The following SERPINA9 variants were observed in gnomAD, a reference collection of about 807,000 sequenced individuals.
SERPINA9 encodes serpin A9.
Under a neutral mutation model 24.5 loss-of-function variants are expected in SERPINA9, and 32 were observed. The observed-to-expected ratio is 1.30, with a 90% CI of 0.98 to 1.75. The LOEUF is 1.75. Among genes scored for constraint, SERPINA9 ranks in the 40% most tolerant of loss-of-function variants. The probability of loss-of-function intolerance (pLI) is 0.00; values close to 1 mark genes in which losing one functional copy is unlikely to be tolerated. For synonymous variants in SERPINA9, 233 were observed against 197.7 expected (o/e 1.18, Z -1.50); for missense variants, 594 against 497.1 (o/e 1.19, Z -1.85).
intron 4 of SERPINA9, 73 bp from the exon 5 acceptor site, chr14:94,463,369 T>C (rs1898836278): frequency 2.9e-6 from 4 of 1,397,552 alleles, no homozygotes; most frequent in South Asian, 2.4e-5. Context: ...CTAAACTGAG[T>C]GCTTTTGCCC....
In SERPINA9 at chr14:94,469,508, G is replaced by C; in HGVS notation, c.333C>G (p.His111Gln). 1 of 1,614,200 alleles carries C rather than the reference G, an allele frequency of 6.2e-7. No individual in the cohort carries two copies. The highest frequency in any genetic ancestry group is 8.5e-7 in the Non-Finnish European group (1 of 1,180,038). Residue 111 changes from histidine (H) to glutamine (Q), a missense_variant, in exon 2 of 5, where the codon CAC becomes CAG. His to Gln is a conservative substitution (Grantham distance 24). Coordinates refer to ENST00000674397, the MANE Select transcript of SERPINA9 (RefSeq NM_175739.4). Reference sequence around the variant, plus strand: ...AGTGAACCAGGTGCTGGAAGCCCTGGTGGATGGCAGACTCTGGTGTGTGTG... The same window carrying C: ...AGTGAACCAGGTGCTGGAAGCCCTGCTGGATGGCAGACTCTGGTGTGTGTG... The part of the protein sequence containing the change: ...NLTHTPESAI[H>Q]QGFQHLVHSL...
In SERPINA9 at chr14:94,469,700, G is replaced by C; in HGVS notation, c.141C>G (p.Leu47=). The change falls in exon 2 of 5, where the codon CTC becomes CTG. Residue 47 remains leucine, a synonymous_variant. Transcript: ENST00000674397. ...KSTPASQVYS[L]NTDFAFRLYR... The stretch of plus-strand genomic sequence containing the variant: ...ATAGGCGGAAGGCAAAGTCGGTGTT[G>C]AGGGAATACACCTGTGAGGCAGGGG... 6.2e-7 allele frequency: 1 copy of C among 1,611,148 alleles called. No individual in the cohort carries two copies. Among genetic ancestry groups the C allele is most frequent in the Admixed American group, 1.7e-5 (1 of 59,912 alleles).
rs1464094116 is a variant in SERPINA9, at chr14:94,464,935, ACTCCGTT to A, written c.903-88_903-82del. 154 of 1,214,454 alleles carry A rather than the reference ACTCCGTT, an allele frequency of 1.3e-4. 2 individuals carry two copies. The East Asian group carries it at 3.9e-3, about 30-fold the overall frequency. The allele number at this position is 1,214,454 out of a possible 1,614,324, so 75.2% of individuals were successfully genotyped here. A position where few individuals can be genotyped will look rare whatever the true frequency, so the allele number is the denominator to read the frequency against. ...CTGCTCCTAGATGCCATTTTGGGAG[ACTCCGTT>A]CTTCCTCCAACCACTGCTAATTTCT... On this transcript the variant is annotated intron_variant, in intron 3 of 4. Transcript: ENST00000674397.
In SERPINA9 at chr14:94,469,551, C is replaced by T. The variant is rs374230953; in HGVS notation, c.290G>A (p.Gly97Asp). The stretch of plus-strand genomic sequence containing the variant: ...TGTGTGTGTGAGGTTGAAGCCCAGG[C>T]CCTGGAGAATCTGGGTCTTGGTGAC... ...HSVTKTQILQ[G>D]LGFNLTHTPE... The change falls in exon 2 of 5, where the codon GGC becomes GAC. Residue 97 changes from glycine (G) to aspartate (D), a missense_variant. By Grantham distance (94) the Gly-to-Asp change is moderately conservative. Coordinates refer to ENST00000674397, the MANE Select transcript of SERPINA9 (RefSeq NM_175739.4). The T allele has an allele frequency of 1.8e-5, 29 of 1,613,988 alleles. No homozygotes were observed. Among genetic ancestry groups the T allele is most frequent in the Non-Finnish European group, 2.2e-5 (26 of 1,180,032 alleles).
At chr14:94,471,903 T>G (rs1390540171) in intron 1 of SERPINA9, among the ~76,000 whole-genome samples, 1 of 152,096 alleles carries the variant, frequency 6.6e-6, no homozygotes, top group African/African-American at 2.4e-5. Flanking sequence ...TTTCCCTTGG[T>G]CCAAACCCTC....
chr14:94,473,251 C>T (rs1006992869), intron 1 of SERPINA9, among the ~76,000 whole-genome samples: 3 of 152,264 alleles, frequency 2.0e-5, no homozygotes, highest in South Asian at 2.1e-4. Context: ...GGTGGCTGGG[C>T]GCGGTGGCTC....
chr14:94,470,109 G>C (rs941211702), intron 1 of SERPINA9: 1 of 984,672 alleles, frequency 1.0e-6, no homozygotes, highest in East Asian at 3.7e-5. Flanking sequence ...TGGTTGACTT[G>C]TCTGTGTTCT....
chr14:94,473,059 A>C (rs1899400393), intron 1 of SERPINA9, among the ~76,000 whole-genome samples: 1 of 152,218 alleles, frequency 6.6e-6, no homozygotes, highest in East Asian at 1.9e-4. Context: ...CCTCAGCAGC[A>C]GAGAATTCTC....
Position 94,469,877 on chromosome 14 carries a change from C to A in SERPINA9, c.-17-20G>T. The stretch of plus-strand genomic sequence containing the variant: ...ATATGTCTGCAAGAGAAGTAAGAAC[C>A]ATTGAGGGGGTAAACTGAGGGTCCA... On this transcript the variant is annotated intron_variant, in intron 1 of 4. Transcript: ENST00000674397. 4 of 1,501,918 alleles carry A rather than the reference C, an allele frequency of 2.7e-6. No homozygotes were observed. The highest frequency in any genetic ancestry group is 3.6e-6 in the Non-Finnish European group (4 of 1,125,884). The allele number at this position is 1,501,918 out of a possible 1,614,324, so 93.0% of individuals were successfully genotyped here.
intron 3 of SERPINA9, among the ~76,000 whole-genome samples, chr14:94,465,115 G>A (rs1898942224): frequency 6.6e-6 from 1 of 152,194 alleles, no homozygotes; most frequent in Admixed American, 6.5e-5. Context: ...CAGTCAGCAA[G>A]GGAGTCTATG....
chr14:94,472,581 A>C (rs1009129243), intron 1 of SERPINA9, among the ~76,000 whole-genome samples: 1 of 152,182 alleles, frequency 6.6e-6, no homozygotes, highest in African/African-American at 2.4e-5. Context: ...CTTATTATGC[A>C]GGTACTATAG....
intron 1 of SERPINA9, among the ~76,000 whole-genome samples, chr14:94,470,411 T>A (rs1956712): frequency 6.6e-6 from 1 of 152,198 alleles, no homozygotes; most frequent in Non-Finnish European, 1.5e-5. Context: ...GCTGTGCTCC[T>A]TCAGGTGCCC....
intron 4 of SERPINA9, among the ~76,000 whole-genome samples, chr14:94,463,772 G>T (rs972814955): frequency 6.6e-6 from 1 of 152,184 alleles, no homozygotes; most frequent in African/African-American, 2.4e-5. Flanking sequence ...CTAGGGAAGA[G>T]ATTCTTAACC....
chr14:94,466,589 C>T (rs1899015451), intron 3 of SERPINA9, among the ~76,000 whole-genome samples: 1 of 152,160 alleles, frequency 6.6e-6, no homozygotes, highest in Non-Finnish European at 1.5e-5. Context: ...TTTGTACTCA[C>T]CATACTAATT....
intron 1 of SERPINA9, among the ~76,000 whole-genome samples, chr14:94,473,824 C>T (rs1296453155): frequency 6.6e-6 from 1 of 152,206 alleles, no homozygotes; most frequent in Non-Finnish European, 1.5e-5. Context: ...CCCCTCCTAA[C>T]CTCAGAGCAG....
In SERPINA9 at chr14:94,462,905, G is replaced by T; in HGVS notation, c.*188C>A. ...TTTGTGGAAAAGGGCACTGACTGGG[G>T]TTAATGGGTGTTGGCTTGTGACTGG... On this transcript the variant is annotated 3_prime_UTR_variant, in exon 5 of 5. Transcript: ENST00000674397. The T allele has an allele frequency of 1.7e-6, 1 of 591,496 alleles. No individual in the cohort carries two copies. The highest frequency in any genetic ancestry group is 3.0e-6 in the Non-Finnish European group (1 of 329,022). The allele number at this position is 591,496 out of a possible 1,614,324, so 36.6% of individuals were successfully genotyped here.
chr14:94,470,033 T>C, intron 1 of SERPINA9, 176 bp from the exon 2 acceptor site: 1 of 633,282 alleles, frequency 1.6e-6, no homozygotes, highest in Non-Finnish European at 2.4e-6. Flanking sequence ...GATCTTATTA[T>C]TGCTGTTTTA....
chr14:94,472,787 A>G (rs1566795791), intron 1 of SERPINA9, among the ~76,000 whole-genome samples: 1 of 152,242 alleles, frequency 6.6e-6, no homozygotes, highest in Non-Finnish European at 1.5e-5. Flanking sequence ...TGAAACTTGA[A>G]AAATGTTAGC....
Position 94,471,454 on chromosome 14 carries a change from T to C in SERPINA9, c.-17-1597A>G, listed in dbSNP as rs376887989. On this transcript the variant is annotated intron_variant, in intron 1 of 4. Coordinates refer to ENST00000674397, the MANE Select transcript of SERPINA9 (RefSeq NM_175739.4). ...ACAATTTCTCTGTGGAAATGAAATA[T>C]GTAAATGAATCACATTTTATTATAC... Among the ~76,000 whole-genome samples the C allele has an allele frequency of 1.3e-4, 20 of 152,342 alleles. No individual in the cohort carries two copies. In the South Asian group the frequency reaches 2.5e-3, roughly 19 times the overall value.
Sources: allele counts gnomAD v4.1 joint callset (sites outside exome capture counted in the v4.1 genomes callset), GRCh38; gene constraint gnomAD v4.1.1; transcripts MANE v1.5; gene names NCBI Gene and HGNC (gene_info 2026-07-23, HGNC 2026-07-21).